PLCG2: variants seen among roughly 807,000 people sequenced by gnomAD.
PLCG2 encodes the protein 1-phosphatidylinositol 4,5-bisphosphate phosphodiesterase gamma-2.
A neutral mutation model predicts 175.6 loss-of-function variants in PLCG2; 69 were observed. That is an observed-to-expected ratio of 0.39 (90% CI 0.32 to 0.48). The LOEUF (loss-of-function observed/expected upper bound fraction) is 0.48, where lower values mean the gene tolerates loss of function less well. Among genes scored for constraint, PLCG2 ranks in the 20% least tolerant of loss-of-function variants. The probability of loss-of-function intolerance (pLI) is 0.91; values close to 1 mark genes in which losing one functional copy is unlikely to be tolerated. For synonymous variants in PLCG2, 827 were observed against 624.0 expected, an observed-to-expected ratio of 1.33 and a Z score of -4.85; for missense variants, 1,798 against 1,650.9, an observed-to-expected ratio of 1.09 and a Z score of -1.54.
chr16:81,856,069 C>G (rs1346095427), intron 3 of PLCG2, among the ~76,000 whole-genome samples: 1 of 152,154 alleles, frequency 6.6e-6, no homozygotes, highest in African/African-American at 2.4e-5. Flanking sequence ...CACTCTTGGT[C>G]CCTCTTCCGG....
chr16:81,952,124 A>G (rs894970779), intron 31 of PLCG2, among the ~76,000 whole-genome samples: 3 of 152,156 alleles, frequency 2.0e-5, no homozygotes, highest in Admixed American at 2.0e-4. Context: ...AAGGTACAGA[A>G]CTTATATAAG....
At position 81,962,584 on chromosome 16, in the gene PLCG2, T is replaced by A. The variant is rs1000265805; in HGVS notation, c.*4586T>A. 1 of 221,890 alleles carries A rather than the reference T, an allele frequency of 4.5e-6. No individual in the cohort carries two copies. Among genetic ancestry groups the A allele is most frequent in the Admixed American group, 5.8e-5 (1 of 17,376 alleles). The allele number at this position is 221,890 out of a possible 1,614,324, so 13.7% of individuals were successfully genotyped here. ...ATAAATAGTATGTGCTTTGTGTACA[T>A]AGAGAATTAAGTGAATGAGTCACAC... On this transcript the variant is annotated 3_prime_UTR_variant, in exon 33 of 33. Coordinates refer to ENST00000564138, the MANE Select transcript of PLCG2 (RefSeq NM_002661.5).
intron 1 of PLCG2, among the ~76,000 whole-genome samples, chr16:81,750,422 C>CA (rs35697599): frequency 0.54 from 59,199 of 109,910 alleles, 16,693 homozygotes; most frequent in Middle Eastern, 0.65. Flanking sequence ...GACTCTGTCT[C>CA]AAAAAAAAAA....
chr16:81,926,999 C>T (rs1910300986), intron 22 of PLCG2, 83 bp from the exon 23 acceptor site: 1 of 856,296 alleles, frequency 1.2e-6, no homozygotes, highest in Non-Finnish European at 2.0e-6. Flanking sequence ...CAGAATTGAG[C>T]CAGCAGCCGG....
chr16:81,937,013 A>G (rs1157235409), intron 27 of PLCG2, among the ~76,000 whole-genome samples: 1 of 152,204 alleles, frequency 6.6e-6, no homozygotes, highest in African/African-American at 2.4e-5. Flanking sequence ...CGTGAGCGCC[A>G]TTCCACAGAT....
At chr16:81,761,948 C>T (rs1910050632) in intron 2 of PLCG2, among the ~76,000 whole-genome samples, 1 of 151,312 alleles carries the variant, frequency 6.6e-6, no homozygotes, top group Admixed American at 6.6e-5. Context: ...TCTCCTGCCT[C>T]AGTTTCCCAA....
chr16:81,856,989 C>T (rs1906717623), intron 3 of PLCG2, among the ~76,000 whole-genome samples: 1 of 152,184 alleles, frequency 6.6e-6, no homozygotes, highest in South Asian at 2.1e-4. Context: ...ACAGATTCTT[C>T]CCCAGAGCTT....
chr16:81,918,308 C>T (rs1045755612), intron 19 of PLCG2, among the ~76,000 whole-genome samples: 7 of 152,118 alleles, frequency 4.6e-5, no homozygotes, highest in African/African-American at 1.7e-4. Context: ...TCTCTGTTTT[C>T]TTCTAGTAGT....
rs147554621 is a variant in PLCG2 at position 81,908,877 on chromosome 16, C to G, written c.1733+286C>G. Among the ~76,000 whole-genome samples, 349 of 152,348 alleles carry G rather than the reference C, an allele frequency of 2.3e-3. 1 individual carries two copies. The highest frequency in any genetic ancestry group is 7.9e-3 in the African/African-American group (327 of 41,574). ...TGAACATTTTAAACAAAGACAAGAT[C>G]TGACCCTACTCTTAGATGATGTGGT... is the stretch of plus-strand genomic sequence containing the variant. On this transcript the variant is annotated intron_variant, in intron 17 of 32. Coordinates refer to ENST00000564138, the MANE Select transcript of PLCG2 (RefSeq NM_002661.5).
chr16:81,762,687 T>C (rs1910066253), intron 2 of PLCG2, among the ~76,000 whole-genome samples: 1 of 152,112 alleles, frequency 6.6e-6, no homozygotes, highest in African/African-American at 2.4e-5. Flanking sequence ...CCAAGGGACT[T>C]CCTGACAATG....
chr16:81,767,136 GTTTTTTTT>G (rs66799783), intron 2 of PLCG2, among the ~76,000 whole-genome samples: 3 of 71,724 alleles, frequency 4.2e-5, no homozygotes, highest in East Asian at 5.1e-4. Flanking sequence ...TAAACTCGTG[GTTTTTTTT>G]TTTTTTTTTT....
chr16:81,768,552 G>GTTTTTTTT (rs769292122), intron 2 of PLCG2, among the ~76,000 whole-genome samples: 1 of 105,422 alleles, frequency 9.5e-6, no homozygotes, highest in African/African-American at 4.1e-5. Context: ...GTTATCCTCA[G>GTTTTTTTT]TTTTTTTTTT....
intron 2 of PLCG2, among the ~76,000 whole-genome samples, chr16:81,812,374 C>T (rs1597332700): frequency 3.3e-5 from 5 of 152,132 alleles, no homozygotes; most frequent in African/African-American, 4.8e-5. Context: ...TTTTAATGAT[C>T]GTCATTCTAA....
At position 81,864,207 on chromosome 16, in the gene PLCG2, G is replaced by T. The variant is rs936656015; in HGVS notation, c.480-5007G>T. Among the ~76,000 whole-genome samples, 5 of 152,174 alleles carry T rather than the reference G, an allele frequency of 3.3e-5. No homozygotes were observed. The East Asian group carries it at 7.7e-4, about 23-fold the overall frequency. ...TGAGTAGGTGGTGGGCAGGGCTCAAGAATTTGCATTTCAACCAATCCCCAG... is the reference window on the plus strand; with the variant it reads ...TGAGTAGGTGGTGGGCAGGGCTCAATAATTTGCATTTCAACCAATCCCCAG... On this transcript the variant is annotated intron_variant, in intron 5 of 32. Transcript: ENST00000564138.
In PLCG2 at chr16:81,774,158, C is replaced by T. The variant is rs1420395147; in HGVS notation, c.-47-11785C>T. On this transcript the variant is annotated intron_variant, in intron 2 of 5. Coordinates refer to the PLCG2 transcript ENST00000565054. ...ATCAGCCTGGGTAACACGGTGAAAT[C>T]CCGTCTCTACTAAAAATACAAAAAA... 3.6e-5 allele frequency among the ~76,000 whole-genome samples: 5 copies of T among 138,410 alleles called. No homozygotes were observed. In the Admixed American group the frequency reaches 3.7e-4, roughly 10 times the overall value. 90.8% of individuals were successfully genotyped at this position (138,410 alleles called of 152,430 possible).
intron 26 of PLCG2, 82 bp downstream of exon 26, chr16:81,934,613 A>G: frequency 1.2e-6 from 1 of 854,034 alleles, no homozygotes. Flanking sequence ...CAGAGGGGGC[A>G]GAGAGTGCAT....
Position 81,959,189 on chromosome 16 carries a change from T to G in PLCG2, c.*1191T>G, listed in dbSNP as rs909733221. ...TTTACAGCTGATGGGAAAAGGAGTG[T>G]AACTGTGAAAAACGATGGCTGTGGT... On this transcript the variant is annotated 3_prime_UTR_variant, in exon 33 of 33. Transcript: ENST00000564138. 2 of 226,026 alleles carry G rather than the reference T, an allele frequency of 8.8e-6. No homozygotes were observed. Among genetic ancestry groups the G allele is most frequent in the Non-Finnish European group, 8.8e-6 (1 of 113,692 alleles). 14.0% of individuals were successfully genotyped at this position (226,026 alleles called of 1,614,324 possible).
At chr16:81,768,378 G>A (rs1156926182) in intron 2 of PLCG2, among the ~76,000 whole-genome samples, 1 of 152,128 alleles carries the variant, frequency 6.6e-6, no homozygotes, top group Non-Finnish European at 1.5e-5. Flanking sequence ...GTGTTTTTCT[G>A]TGGACATATG....
At chr16:81,916,591 G>T (rs13337974) in intron 19 of PLCG2, among the ~76,000 whole-genome samples, 5,869 of 61,058 alleles carry the variant, frequency 0.096, 397 homozygotes, top group African/African-American at 0.22. Flanking sequence ...TTTTTTTTTT[G>T]TGTGTGGTGA....
Sources: allele counts gnomAD v4.1 joint callset (sites outside exome capture counted in the v4.1 genomes callset), GRCh38; gene constraint gnomAD v4.1.1; transcripts MANE v1.5; gene names NCBI Gene and HGNC (gene_info 2026-07-23, HGNC 2026-07-21).